The following PLEKHH2 variants were observed in gnomAD, a reference collection of about 807,000 sequenced individuals.
PLEKHH2 encodes the protein pleckstrin homology domain-containing family H member 2.
Under a neutral mutation model 187.9 loss-of-function variants are expected in PLEKHH2, and 129 were observed. The observed-to-expected ratio is 0.69, with a 90% CI of 0.59 to 0.79. The LOEUF is 0.79. Among genes scored for constraint, PLEKHH2 ranks in the 30% least tolerant of loss-of-function variants. The probability of loss-of-function intolerance (pLI) is 0.00; values close to 1 mark genes in which losing one functional copy is unlikely to be tolerated. For synonymous variants in PLEKHH2, 686 were observed against 605.6 expected (o/e 1.13, Z -1.95); for missense variants, 2,076 against 1,751.2 (o/e 1.19, Z -3.31).
Position 43,729,237 on chromosome 2 carries a change from G to A in PLEKHH2, c.2722-400G>A, listed in dbSNP as rs755600530. On this transcript the variant is annotated intron_variant, in intron 17 of 29. Transcript: ENST00000282406. ...GAATCTTTGGTGAATGGGATAAGAC[G>A]GGTATTATGTTTTCTTTAAATTTTC... Among the ~76,000 whole-genome samples, 6 of 152,092 alleles carry A rather than the reference G, an allele frequency of 3.9e-5. No homozygotes were observed. The South Asian group carries it at 6.2e-4, about 16-fold the overall frequency.
intron 19 of PLEKHH2, among the ~76,000 whole-genome samples, chr2:43,734,803 T>C (rs1280652383): frequency 6.6e-6 from 1 of 152,166 alleles, no homozygotes; most frequent in Non-Finnish European, 1.5e-5. Context: ...GATTCCTATA[T>C]TTATTATAGC....
At chr2:43,718,357 G>A (rs1474525811) in intron 15 of PLEKHH2, among the ~76,000 whole-genome samples, 1 of 152,054 alleles carries the variant, frequency 6.6e-6, no homozygotes, top group East Asian at 1.9e-4. Flanking sequence ...GGCCAACATG[G>A]TGAAACCCTG....
chr2:43,657,718 TGTA>T (rs1170572040), intron 2 of PLEKHH2, among the ~76,000 whole-genome samples: 2 of 152,216 alleles, frequency 1.3e-5, no homozygotes, highest in Non-Finnish European at 2.9e-5. Context: ...AAGTTTCACA[TGTA>T]GTGCACCATG....
chr2:43,641,430 C>T (rs934415914), intron 1 of PLEKHH2, among the ~76,000 whole-genome samples: 1 of 152,024 alleles, frequency 6.6e-6, no homozygotes, highest in South Asian at 2.1e-4. Context: ...ACAGGCAGCC[C>T]AGGATGGCTT....
Position 43,711,007 on chromosome 2 carries a change from C to A in PLEKHH2, c.2301+432C>A, listed in dbSNP as rs1181056125. On this transcript the variant is annotated intron_variant, in intron 14 of 29. Coordinates refer to ENST00000282406, the MANE Select transcript of PLEKHH2 (RefSeq NM_172069.4). ...ATATGAACTTCAGATGCCATAACAC[C>A]AAAGTGGGAAATATATTGGTGAGCA... The A allele has an allele frequency of 6.0e-6, 6 of 995,934 alleles. No individual in the cohort carries two copies. In the South Asian group the frequency reaches 1.8e-4, roughly 30 times the overall value. The allele number at this position is 995,934 out of a possible 1,614,324, so 61.7% of individuals were successfully genotyped here. A position where few individuals can be genotyped will look rare whatever the true frequency, so the allele number is the denominator to read the frequency against.
intron 2 of PLEKHH2, 111 bp downstream of exon 2, chr2:43,644,907 T>C (rs929379182): frequency 8.3e-6 from 10 of 1,197,606 alleles, no homozygotes; most frequent in Non-Finnish European, 1.1e-5. Flanking sequence ...TTGTCAAGTA[T>C]TTGAAGCTAT....
At chr2:43,696,687 A>G (rs1319007286) in intron 6 of PLEKHH2, among the ~76,000 whole-genome samples, 1 of 152,132 alleles carries the variant, frequency 6.6e-6, no homozygotes, top group African/African-American at 2.4e-5. Context: ...AACTAAGATA[A>G]GCAAAAGTCA....
chr2:43,700,062 A>G lies in PLEKHH2; in HGVS notation c.1104A>G (p.Gly368=). 3 of 1,614,170 alleles carry G rather than the reference A, an allele frequency of 1.9e-6. No individual in the cohort carries two copies. The highest frequency in any genetic ancestry group is 2.7e-5 in the African/African-American group (2 of 75,042). The change falls in exon 8 of 30, where the codon GGA becomes GGG. Residue 368 remains glycine, a synonymous_variant. Coordinates refer to ENST00000282406, the MANE Select transcript of PLEKHH2 (RefSeq NM_172069.4). The part of the protein sequence containing the change: ...AQWKALNSPL[G]KGNSELSKKE... The stretch of plus-strand genomic sequence containing the variant: ...GGAAAGCTCTAAATAGTCCTCTTGG[A>G]AAGGGAAATTCTGAATTAAGTAAAA...
chr2:43,681,357 G>T, intron 3 of PLEKHH2: 2 of 1,334,830 alleles, frequency 1.5e-6, no homozygotes, highest in Non-Finnish European at 2.1e-6. Context: ...CCTGTCATCA[G>T]AATTTACTTC....
chr2:43,681,391 GT>G (rs973017834), intron 3 of PLEKHH2: 9 of 1,538,716 alleles, frequency 5.8e-6, no homozygotes, highest in Non-Finnish European at 7.9e-6. Flanking sequence ...GAAGGTTCTT[GT>G]CGACTTTGTT....
chr2:43,710,632 A>T, intron 14 of PLEKHH2, 57 bp downstream of exon 14: 1 of 1,504,792 alleles, frequency 6.6e-7, no homozygotes. Flanking sequence ...CTCAATTCTC[A>T]ATTATCCAAC....
chr2:43,684,756 C>T (rs1668410233), intron 3 of PLEKHH2, among the ~76,000 whole-genome samples: 1 of 148,644 alleles, frequency 6.7e-6, no homozygotes, highest in Non-Finnish European at 1.5e-5. Context: ...ATTCTATGTG[C>T]TATATCTTTA....
At chr2:43,690,564 C>A (rs10193981) in intron 3 of PLEKHH2, among the ~76,000 whole-genome samples, 24,417 of 152,052 alleles carry the variant, frequency 0.16, 2,068 homozygotes, top group Middle Eastern at 0.24. Flanking sequence ...GTAAGGATTC[C>A]TTTTGACTTT....
chr2:43,738,119 TA>T (rs1264883983), intron 19 of PLEKHH2, among the ~76,000 whole-genome samples: 8 of 152,214 alleles, frequency 5.3e-5, no homozygotes, highest in African/African-American at 1.7e-4. Context: ...TTTATCATTA[TA>T]AAATGACCCT....
intron 3 of PLEKHH2, 94 bp downstream of exon 3, chr2:43,679,019 CTACATCT>C (rs1668024281): frequency 1.3e-6 from 1 of 753,680 alleles, no homozygotes; most frequent in Admixed American, 2.2e-5. Flanking sequence ...CAGCCCACCT[CTACATCT>C]TATCTTTTTG....
chr2:43,679,949 G>C (rs1008190011), intron 3 of PLEKHH2, among the ~76,000 whole-genome samples: 1 of 152,146 alleles, frequency 6.6e-6, no homozygotes, highest in Non-Finnish European at 1.5e-5. Context: ...ACAGGTGTGA[G>C]CTCACTGTGC....
intron 24 of PLEKHH2, among the ~76,000 whole-genome samples, chr2:43,752,181 C>T (rs1013266221): frequency 2.0e-5 from 3 of 152,072 alleles, no homozygotes; most frequent in African/African-American, 7.2e-5. Flanking sequence ...GTAAGCATGC[C>T]AAAAAGAAAG....
intron 2 of PLEKHH2, among the ~76,000 whole-genome samples, chr2:43,677,119 C>T (rs1250028795): frequency 6.6e-6 from 1 of 151,974 alleles, no homozygotes. Flanking sequence ...TTTAAATATG[C>T]AAAGAGCCTT....
chr2:43,720,208 A>G (rs756783734), intron 15 of PLEKHH2, among the ~76,000 whole-genome samples: 6 of 152,180 alleles, frequency 3.9e-5, no homozygotes, highest in Non-Finnish European at 8.8e-5. Flanking sequence ...GATGCATAGT[A>G]AACATTCGTT....
Sources: gnomAD v4.1 joint callset for allele counts (sites outside exome capture counted in the v4.1 genomes callset) on GRCh38, gnomAD v4.1.1 for gene constraint, MANE v1.5 for transcripts, NCBI Gene and HGNC (gene_info 2026-07-23, HGNC 2026-07-21) for gene names.